Variants in DRC5 observed in about 807,000 individuals in gnomAD.
DRC5 encodes T-complex-associated testis-expressed protein 1.
the DRC5 span, among the ~76,000 whole-genome samples, chr6:44,288,222 C>T: frequency 6.6e-6 from 1 of 152,130 alleles, no homozygotes; most frequent in Admixed American, 6.5e-5. Context: ...TAGATAATAG[C>T]TCTACAGCAA....
chr6:44,281,911 A>C, the DRC5 span, among the ~76,000 whole-genome samples: 1 of 152,236 alleles, frequency 6.6e-6, no homozygotes, highest in South Asian at 2.1e-4. Context: ...TTTAGGGTTA[A>C]ATATGCTTAG....
the DRC5 span, among the ~76,000 whole-genome samples, chr6:44,281,470 C>T: frequency 6.6e-6 from 1 of 152,136 alleles, no homozygotes; most frequent in African/African-American, 2.4e-5. Flanking sequence ...CTGCAATCTC[C>T]GCCTCCTGGG....
chr6:44,282,397 GC>G, the DRC5 span: 1 of 1,614,124 alleles, frequency 6.2e-7, no homozygotes, highest in Admixed American at 1.7e-5. Flanking sequence ...TTGAGCACAC[GC>G]AGGCGGCTGT....
the DRC5 span, chr6:44,280,260 G>A: frequency 1.2e-6 from 2 of 1,614,232 alleles, no homozygotes; most frequent in South Asian, 2.2e-5. Flanking sequence ...CTGGCGGGCT[G>A]CTTCTCGGTT....
At chr6:44,284,389 T>C in the DRC5 span, among the ~76,000 whole-genome samples, 1 of 152,024 alleles carries the variant, frequency 6.6e-6, no homozygotes, top group African/African-American at 2.4e-5. Context: ...AGGCCTCTTG[T>C]TGTCTTGCTT....
the DRC5 span, among the ~76,000 whole-genome samples, chr6:44,289,022 A>AAAAAG: frequency 1.5e-5 from 2 of 136,564 alleles, no homozygotes; most frequent in East Asian, 2.5e-4. Context: ...AAAAAAAAAA[A>AAAAAG]GAAAAACAGG....
chr6:44,280,105 G>T, the DRC5 span: 1 of 1,340,732 alleles, frequency 7.5e-7, no homozygotes, highest in Non-Finnish European at 1.1e-6. Flanking sequence ...CTGAACCAGT[G>T]TGATACTCTG....
the DRC5 span, chr6:44,286,084 C>T: frequency 1.2e-6 from 2 of 1,614,180 alleles, no homozygotes; most frequent in South Asian, 1.1e-5. Context: ...CCAGGTCCAG[C>T]TCCTCCAGGT....
At chr6:44,280,361 C>T in the DRC5 span, 5 of 1,613,926 alleles carry the variant, frequency 3.1e-6, no homozygotes, top group Non-Finnish European at 4.2e-6. Context: ...TGTTGTCTGA[C>T]ATGCCTTCCA....
chr6:44,280,040 T>A, the DRC5 span: 3 of 746,942 alleles, frequency 4.0e-6, no homozygotes, highest in East Asian at 2.6e-5. Flanking sequence ...CATGTCTCCA[T>A]CCATACAACC....
chr6:44,286,360 G>C, the DRC5 span: 47 of 1,614,044 alleles, frequency 2.9e-5, no homozygotes, highest in South Asian at 4.9e-4. Flanking sequence ...TGCGTTTCCA[G>C]CTGCCGCCAT....
the DRC5 span, chr6:44,280,397 G>A: frequency 2.5e-6 from 4 of 1,608,616 alleles, no homozygotes; most frequent in East Asian, 6.7e-5. Context: ...CGTCCTGGGA[G>A]AAGGGTGCAA....
At chr6:44,285,813 G>A in the DRC5 span, 31 of 726,478 alleles carry the variant, frequency 4.3e-5, no homozygotes, top group Admixed American at 5.8e-5. Context: ...CCCCAGAACC[G>A]TGTATCTTGG....
the DRC5 span, among the ~76,000 whole-genome samples, chr6:44,284,506 G>A: frequency 2.0e-5 from 3 of 151,900 alleles, no homozygotes; most frequent in African/African-American, 4.8e-5. Flanking sequence ...TCTGAGCTTC[G>A]GACCCTCTAC....
chr6:44,287,633 T>C, the DRC5 span: 1 of 1,614,192 alleles, frequency 6.2e-7, no homozygotes. Flanking sequence ...TCCTCAGCAA[T>C]GATCCGGCGC....
At chr6:44,286,637 C>T in the DRC5 span, 6 of 996,844 alleles carry the variant, frequency 6.0e-6, no homozygotes, top group African/African-American at 1.6e-5. Flanking sequence ...AAGGAGAGAC[C>T]CTTCCCTGCT....
the DRC5 span, chr6:44,279,498 G>A: frequency 6.6e-6 from 1 of 152,172 alleles, no homozygotes; most frequent in Non-Finnish European, 1.5e-5. Flanking sequence ...AGCTCTCTGG[G>A]GTGGGTGGCA....
At chr6:44,280,484 A>G in the DRC5 span, 1 of 862,830 alleles carries the variant, frequency 1.2e-6, no homozygotes, top group Non-Finnish European at 1.8e-6. Context: ...GACTAAAACA[A>G]AAGTTTCACA....
the DRC5 span, among the ~76,000 whole-genome samples, chr6:44,295,144 G>A: frequency 6.6e-6 from 1 of 152,298 alleles, no homozygotes; most frequent in South Asian, 2.1e-4. Flanking sequence ...GCCAGAGTTT[G>A]AAGACTAGGA....
Sources: allele counts gnomAD v4.1 joint callset (sites outside exome capture counted in the v4.1 genomes callset), GRCh38; gene constraint gnomAD v4.1.1; transcripts MANE v1.5; gene names NCBI Gene and HGNC (gene_info 2026-07-23, HGNC 2026-07-21).